GRM7: variants seen among roughly 807,000 people sequenced by gnomAD.
The protein encoded by GRM7 is glutamate metabotropic receptor 7.
In GRM7, 35 loss-of-function variants were observed where a neutral mutation model predicts 84.5. That is an observed-to-expected ratio of 0.41 (90% confidence interval 0.32 to 0.55). The LOEUF (loss-of-function observed/expected upper bound fraction) is 0.55. GRM7 is among the 20% of genes least tolerant of loss of function. GRM7 has a pLI of 0.19. For missense variants in GRM7, 1,003 were observed against 1,194.6 expected, an observed-to-expected ratio of 0.84 and a Z score of 2.36; for synonymous variants, 487 against 455.1, an observed-to-expected ratio of 1.07 and a Z score of -0.89.
chr3:7,575,257 G>T (rs527601245), intron 7 of GRM7, among the ~76,000 whole-genome samples: 1 of 152,228 alleles, frequency 6.6e-6, no homozygotes, highest in South Asian at 2.1e-4. Context: ...ATGTCCAGAA[G>T]GAAAATGCAT....
At chr3:6,902,190 C>G (rs1696412063) in intron 1 of GRM7, among the ~76,000 whole-genome samples, 1 of 152,198 alleles carries the variant, frequency 6.6e-6, no homozygotes, top group African/African-American at 2.4e-5. Context: ...GAAGCACATA[C>G]TTCTAATACA....
chr3:7,249,434 T>C (rs1697896129), intron 2 of GRM7, among the ~76,000 whole-genome samples: 1 of 152,226 alleles, frequency 6.6e-6, no homozygotes. Context: ...GATTTCTCTG[T>C]ATTACTTTAT....
chr3:7,590,219 T>C (rs1695713996), intron 8 of GRM7, among the ~76,000 whole-genome samples: 1 of 152,186 alleles, frequency 6.6e-6, no homozygotes, highest in Non-Finnish European at 1.5e-5. Context: ...TTCCAGCAGC[T>C]TCTCATTGTT....
At chr3:7,416,337 T>C (rs1247222756) in intron 5 of GRM7, among the ~76,000 whole-genome samples, 1 of 152,194 alleles carries the variant, frequency 6.6e-6, no homozygotes, top group Non-Finnish European at 1.5e-5. Flanking sequence ...TTACAATTTG[T>C]AGTGATGACC....
At chr3:6,975,461 G>A (rs1693951847) in intron 1 of GRM7, among the ~76,000 whole-genome samples, 1 of 152,060 alleles carries the variant, frequency 6.6e-6, no homozygotes, top group African/African-American at 2.4e-5. Context: ...CACTTCTCTA[G>A]GTTTCCATTT....
At chr3:7,342,564 C>G (rs1337546757) in intron 4 of GRM7, among the ~76,000 whole-genome samples, 3 of 152,172 alleles carry the variant, frequency 2.0e-5, no homozygotes, top group African/African-American at 7.2e-5. Flanking sequence ...CTGTTCAAGT[C>G]TGTCTACCCT....
intron 7 of GRM7, among the ~76,000 whole-genome samples, chr3:7,496,411 G>A (rs1175183077): frequency 6.6e-6 from 1 of 152,078 alleles, no homozygotes; most frequent in Non-Finnish European, 1.5e-5. Flanking sequence ...AGGGACAAAT[G>A]ATTCTTTTAG....
chr3:7,253,597 A>G (rs1056212645), intron 2 of GRM7, among the ~76,000 whole-genome samples: 33 of 144,582 alleles, frequency 2.3e-4, no homozygotes, highest in African/African-American at 8.3e-4. Context: ...AGCCCAGGCA[A>G]CAAGAGTGAA....
chr3:7,421,817 T>A (rs1355346643), intron 5 of GRM7, among the ~76,000 whole-genome samples: 4 of 151,328 alleles, frequency 2.6e-5, no homozygotes, highest in Non-Finnish European at 5.9e-5. Flanking sequence ...TTTGTTTTCG[T>A]TTTTGTTTTA....
At chr3:7,726,613 CTATATATATATATATATATATA>C (rs56250356) in intron 9 of GRM7, among the ~76,000 whole-genome samples, 1,369 of 58,140 alleles carry the variant, frequency 0.024, 70 homozygotes, top group Admixed American at 0.098. Flanking sequence ...CTCTCTCCCT[CTATATATATATATATATATATA>C]TATATATATA....
At chr3:7,022,275 G>A (rs902826922) in intron 1 of GRM7, among the ~76,000 whole-genome samples, 1 of 151,606 alleles carries the variant, frequency 6.6e-6, no homozygotes, top group Non-Finnish European at 1.5e-5. Flanking sequence ...GCAGTGAGCC[G>A]AGATTGTGCC....
intron 4 of GRM7, among the ~76,000 whole-genome samples, chr3:7,385,668 T>C (rs1202394039): frequency 6.6e-6 from 1 of 152,232 alleles, no homozygotes; most frequent in Non-Finnish European, 1.5e-5. Flanking sequence ...TTAAATTATA[T>C]GTACTTGGCA....
At chr3:7,306,681 T>G (rs992701240) in intron 4 of GRM7, 29 bp downstream of exon 4, 1 of 1,550,344 alleles carries the variant, frequency 6.5e-7, no homozygotes. Flanking sequence ...GTAGGTTTGC[T>G]GAGAGAAGTT....
At chr3:7,451,122 A>C (rs1023342659) in intron 5 of GRM7, among the ~76,000 whole-genome samples, 3 of 152,234 alleles carry the variant, frequency 2.0e-5, no homozygotes, top group African/African-American at 7.2e-5. Flanking sequence ...TATTGCTGTG[A>C]AAGTGAAATG....
At chr3:7,397,412 C>T (rs903563239) in intron 4 of GRM7, among the ~76,000 whole-genome samples, 10 of 151,870 alleles carry the variant, frequency 6.6e-5, no homozygotes, top group South Asian at 4.2e-4. Context: ...AAAAGGGTAG[C>T]GGGGAGGCAG....
intron 4 of GRM7, among the ~76,000 whole-genome samples, chr3:7,332,737 A>C (rs971350577): frequency 6.6e-6 from 1 of 152,326 alleles, no homozygotes; most frequent in Non-Finnish European, 1.5e-5. Context: ...AAGAATTCAC[A>C]GAACCTTTGA....
At chr3:7,372,273 C>T (rs575023579) in intron 4 of GRM7, among the ~76,000 whole-genome samples, 35 of 152,216 alleles carry the variant, frequency 2.3e-4, no homozygotes, top group African/African-American at 7.2e-4. Flanking sequence ...CACGTAAAGA[C>T]GTTTGTGTGT....
chr3:7,291,380 A>G (rs1699614189), intron 2 of GRM7, among the ~76,000 whole-genome samples: 1 of 151,906 alleles, frequency 6.6e-6, no homozygotes, highest in Admixed American at 6.6e-5. Context: ...TTTCTGGTTT[A>G]CCACTTTTAA....
At chr3:7,169,591 G>A (rs1694916717) in intron 2 of GRM7, among the ~76,000 whole-genome samples, 1 of 152,192 alleles carries the variant, frequency 6.6e-6, no homozygotes, top group South Asian at 2.1e-4. Context: ...GATGAAGGCA[G>A]CTAGAATCCC....
Sources: allele counts gnomAD v4.1 joint callset (sites outside exome capture counted in the v4.1 genomes callset), GRCh38; gene constraint gnomAD v4.1.1; transcripts MANE v1.5; gene names NCBI Gene and HGNC (gene_info 2026-07-23, HGNC 2026-07-21).